The following ATP13A4 variants were observed in gnomAD, a reference collection of about 807,000 sequenced individuals.
ATP13A4 encodes ATPase 13A4, also known as probable cation-transporting ATPase 13A4.
ATP13A4 carries 114 observed loss-of-function variants against 142.5 expected under a neutral mutation model. The ratio of observed to expected loss-of-function variants is 0.80; its 90% confidence interval spans 0.69 to 0.93. The LOEUF is 0.93. Among genes scored for constraint, ATP13A4 ranks in the 40% least tolerant of loss-of-function variants. ATP13A4 has a pLI of 0.00. For synonymous variants in ATP13A4, 488 were observed against 514.8 expected (o/e 0.95, Z 0.70); for missense variants, 1,392 against 1,454.0 (o/e 0.96, Z 0.69).
chr3:193,426,156 T>C (rs991558998), intron 25 of ATP13A4, among the ~76,000 whole-genome samples: 4 of 151,826 alleles, frequency 2.6e-5, no homozygotes, highest in African/African-American at 9.7e-5. Context: ...AAATTAATAA[T>C]TGAATACAGC....
intron 21 of ATP13A4, 109 bp from the exon 22 acceptor site, chr3:193,439,174 A>C (rs1716477404): frequency 8.4e-7 from 1 of 1,193,566 alleles, no homozygotes; most frequent in African/African-American, 1.5e-5. Context: ...CTCATTATTT[A>C]AGGGAATTTT....
rs1714207870 is a variant in ATP13A4 at position 193,399,844 on chromosome 3, T to TCAA, written c.*2805_*2807dup. Among the ~76,000 whole-genome samples, 2 of 12,064 alleles carry TCAA rather than the reference T, an allele frequency of 1.7e-4. No individual in the cohort carries two copies. Among genetic ancestry groups the TCAA allele is most frequent in the South Asian group, 8.6e-3 (2 of 232 alleles). The allele number at this position is 12,064 out of a possible 152,430, so 7.9% of individuals were successfully genotyped here. On this transcript the variant is annotated 3_prime_UTR_variant, in exon 30 of 30. Transcript: ENST00000342695. The stretch of plus-strand genomic sequence containing the variant: ...CTGGGCAACAGAGTGAGACTCCATC[T>TCAA]CAAAAAAAAAAAAAAAAAAAAAAGG...
At chr3:193,444,410 T>C (rs1156933056) in intron 18 of ATP13A4, among the ~76,000 whole-genome samples, 1 of 152,194 alleles carries the variant, frequency 6.6e-6, no homozygotes, top group South Asian at 2.1e-4. Flanking sequence ...TTGTTGACAG[T>C]GGACATGCTC....
chr3:193,555,930 G>A (rs1416235732), upstream of ATP13A4, among the ~76,000 whole-genome samples: 1 of 152,188 alleles, frequency 6.6e-6, no homozygotes, highest in Non-Finnish European at 1.5e-5. Flanking sequence ...CAGGACTTTT[G>A]AGAGAATGGA....
chr3:193,475,111 T>C (rs1451439532), intron 8 of ATP13A4, among the ~76,000 whole-genome samples: 1 of 152,112 alleles, frequency 6.6e-6, no homozygotes, highest in Non-Finnish European at 1.5e-5. Flanking sequence ...CAAAAGTACA[T>C]AAGCACTTAT....
chr3:193,426,213 T>G (rs181518871), intron 25 of ATP13A4, among the ~76,000 whole-genome samples: 146 of 151,938 alleles, frequency 9.6e-4, no homozygotes, highest in African/African-American at 3.4e-3. Flanking sequence ...ATCGTGTTTC[T>G]GTACACCAGC....
At position 193,402,526 on chromosome 3, in the gene ATP13A4, C is replaced by T. The variant is rs576532013; in HGVS notation, c.*126G>A. On this transcript the variant is annotated 3_prime_UTR_variant, in exon 30 of 30. Coordinates refer to ENST00000342695, the MANE Select transcript of ATP13A4 (RefSeq NM_032279.4). ...TTATCAAACAGACTTTAGTTTGTCA[C>T]CATGATTTGATAGGTAGCCCCAAAA... 1,114 of 671,690 alleles carry T rather than the reference C, an allele frequency of 1.7e-3. 8 individuals are homozygous for T. The highest frequency in any genetic ancestry group is 2.4e-3 in the Non-Finnish European group (879 of 371,456). 41.6% of individuals were successfully genotyped at this position (671,690 alleles called of 1,614,324 possible).
At chr3:193,410,202 T>C (rs910926059) in intron 28 of ATP13A4, among the ~76,000 whole-genome samples, 1 of 152,116 alleles carries the variant, frequency 6.6e-6, no homozygotes, top group Non-Finnish European at 1.5e-5. Flanking sequence ...AGGAAAAATA[T>C]GGCTCTTGGA....
intron 16 of ATP13A4, among the ~76,000 whole-genome samples, chr3:193,456,614 C>A (rs1384339813): frequency 3.9e-5 from 6 of 152,042 alleles, no homozygotes; most frequent in Non-Finnish European, 8.8e-5. Flanking sequence ...GTACAGAGGG[C>A]AAATCAAAGT....
chr3:193,448,968 G>A (rs1411643431), intron 17 of ATP13A4, among the ~76,000 whole-genome samples: 2 of 151,986 alleles, frequency 1.3e-5, no homozygotes, highest in African/African-American at 2.4e-5. Flanking sequence ...CTGGCACAAA[G>A]CATGAAAAAA....
chr3:193,414,320 G>A (rs560433027), intron 26 of ATP13A4, among the ~76,000 whole-genome samples: 1 of 152,200 alleles, frequency 6.6e-6, no homozygotes, highest in East Asian at 1.9e-4. Flanking sequence ...ATAATCCATG[G>A]TCACCCTAGA....
chr3:193,428,383 T>C (rs561767189), intron 25 of ATP13A4, among the ~76,000 whole-genome samples: 84 of 152,182 alleles, frequency 5.5e-4, no homozygotes, highest in African/African-American at 1.9e-3. Flanking sequence ...GACAGTGTGG[T>C]GATTCCTCAA....
At chr3:193,406,425 A>C (rs1714498478) in intron 29 of ATP13A4, among the ~76,000 whole-genome samples, 1 of 152,244 alleles carries the variant, frequency 6.6e-6, no homozygotes, top group Non-Finnish European at 1.5e-5. Flanking sequence ...CAGAGCAGAA[A>C]TAGAGACAGA....
At chr3:193,559,762 T>G (rs1378517677), upstream of ATP13A4, among the ~76,000 whole-genome samples, 5 of 152,164 alleles carry the variant, frequency 3.3e-5, no homozygotes, top group African/African-American at 1.2e-4. Flanking sequence ...GCCTGTTGTT[T>G]CCCTTTCAGA....
intron 1 of ATP13A4, among the ~76,000 whole-genome samples, chr3:193,586,820 C>G (rs1447337748): frequency 6.6e-6 from 1 of 152,114 alleles, no homozygotes; most frequent in Non-Finnish European, 1.5e-5. Context: ...AATCTGAGCT[C>G]TTTGCATTTC....
chr3:193,489,583 C>A, intron 7 of ATP13A4, 147 bp downstream of exon 7: 1 of 788,148 alleles, frequency 1.3e-6, no homozygotes, highest in Non-Finnish European at 2.1e-6. Flanking sequence ...TTGTTGAACA[C>A]TGGTTACTGT....
At chr3:193,580,082 A>G (rs1724500287) in intron 2 of ATP13A4, among the ~76,000 whole-genome samples, 1 of 152,166 alleles carries the variant, frequency 6.6e-6, no homozygotes, top group African/African-American at 2.4e-5. Flanking sequence ...GTTAAAGTAA[A>G]AAGGAAGAAG....
chr3:193,582,225 T>G (rs568510381), intron 1 of ATP13A4, among the ~76,000 whole-genome samples: 1 of 148,774 alleles, frequency 6.7e-6, no homozygotes, highest in Admixed American at 6.8e-5. Flanking sequence ...CTCAGCTCAC[T>G]GCAACCTCCC....
At chr3:193,581,200 G>A (rs1471710239) in intron 2 of ATP13A4, among the ~76,000 whole-genome samples, 1 of 152,172 alleles carries the variant, frequency 6.6e-6, no homozygotes, top group African/African-American at 2.4e-5. Flanking sequence ...TTAGATAATA[G>A]TGTTCAAATA....
Sources: gnomAD v4.1 joint callset for allele counts (sites outside exome capture counted in the v4.1 genomes callset) on GRCh38, gnomAD v4.1.1 for gene constraint, MANE v1.5 for transcripts, NCBI Gene and HGNC (gene_info 2026-07-23, HGNC 2026-07-21) for gene names.